MAML2: variants seen among roughly 807,000 people sequenced by gnomAD.
The protein encoded by MAML2 is mastermind-like protein 2.
A neutral mutation model predicts 96.1 loss-of-function variants in MAML2; 22 were observed. The observed-to-expected ratio is 0.23, with a 90% CI of 0.16 to 0.33. MAML2 has a LOEUF of 0.33. MAML2 is among the 10% of genes least tolerant of loss of function. MAML2 has a pLI of 1.00. For synonymous variants in MAML2, 561 were observed against 521.3 expected, an observed-to-expected ratio of 1.08 and a Z score of -1.04; for missense variants, 1,367 against 1,392.4, an observed-to-expected ratio of 0.98 and a Z score of 0.29.
intron 1 of MAML2, among the ~76,000 whole-genome samples, chr11:96,191,244 T>C (rs1861648453): frequency 6.6e-6 from 1 of 151,810 alleles, no homozygotes; most frequent in Non-Finnish European, 1.5e-5. Flanking sequence ...AGCGGGTGGA[T>C]CACAAGGTCA....
intron 1 of MAML2, among the ~76,000 whole-genome samples, chr11:96,122,574 A>G (rs1360979256): frequency 1.3e-5 from 2 of 152,012 alleles, no homozygotes; most frequent in African/African-American, 4.8e-5. Context: ...TTCCCCATAG[A>G]AAATATAAGC....
At chr11:96,298,583 G>A (rs1399578973) in intron 1 of MAML2, among the ~76,000 whole-genome samples, 1 of 152,028 alleles carries the variant, frequency 6.6e-6, no homozygotes, top group Non-Finnish European at 1.5e-5. Context: ...AGATAACCAA[G>A]CAAACAAAGA....
intron 2 of MAML2, among the ~76,000 whole-genome samples, chr11:96,091,120 C>T (rs1859697518): frequency 6.6e-6 from 1 of 152,156 alleles, no homozygotes; most frequent in South Asian, 2.1e-4. Context: ...CGGAATAAAC[C>T]TCTGTTTTAT....
At chr11:96,231,675 A>G (rs776331965) in intron 1 of MAML2, among the ~76,000 whole-genome samples, 1 of 152,190 alleles carries the variant, frequency 6.6e-6, no homozygotes, top group Non-Finnish European at 1.5e-5. Flanking sequence ...AGAGTTGGTC[A>G]CTCATGGGAA....
intron 1 of MAML2, among the ~76,000 whole-genome samples, chr11:96,097,459 C>A (rs890135669): frequency 1.6e-4 from 25 of 151,950 alleles, no homozygotes; most frequent in African/African-American, 5.6e-4. Flanking sequence ...TAGTAATATC[C>A]TGAGGGGCTG....
intron 2 of MAML2, among the ~76,000 whole-genome samples, chr11:96,015,233 A>C (rs1398377730): frequency 1.3e-5 from 2 of 152,196 alleles, no homozygotes; most frequent in Non-Finnish European, 2.9e-5. Context: ...TCATATGGAA[A>C]CATGAAGCAA....
At chr11:96,115,041 C>T (rs1860210634) in intron 1 of MAML2, among the ~76,000 whole-genome samples, 1 of 152,116 alleles carries the variant, frequency 6.6e-6, no homozygotes, top group Non-Finnish European at 1.5e-5. Context: ...CACGGAAGTT[C>T]ATGGGCTGGC....
intron 1 of MAML2, among the ~76,000 whole-genome samples, chr11:96,272,178 A>G (rs1024255729): frequency 2.0e-5 from 3 of 150,818 alleles, no homozygotes. Context: ...TATGCATTGT[A>G]CTTGTGTTGT....
intron 2 of MAML2, among the ~76,000 whole-genome samples, chr11:96,084,568 G>A (rs1268790499): frequency 1.3e-5 from 2 of 152,106 alleles, no homozygotes; most frequent in African/African-American, 2.4e-5. Context: ...TAACTCCAGC[G>A]GCTACATGTC....
At chr11:96,033,949 G>A (rs1341618721) in intron 2 of MAML2, among the ~76,000 whole-genome samples, 1 of 152,114 alleles carries the variant, frequency 6.6e-6, no homozygotes, top group African/African-American at 2.4e-5. Context: ...TCATTTGTTA[G>A]GCATGAAAAT....
chr11:96,052,077 G>GTA (rs1278414064), intron 2 of MAML2, among the ~76,000 whole-genome samples: 1 of 152,156 alleles, frequency 6.6e-6, no homozygotes, highest in African/African-American at 2.4e-5. Context: ...CTTTCTTCCT[G>GTA]TATTGCTTGC....
At chr11:96,014,580 T>C (rs754333059) in intron 2 of MAML2, among the ~76,000 whole-genome samples, 4 of 152,212 alleles carry the variant, frequency 2.6e-5, no homozygotes, top group Non-Finnish European at 5.9e-5. Context: ...TTATTTTGAC[T>C]CAATTCAACT....
At chr11:95,988,113 ATGTGTGTGTG>A (rs141507951) in intron 3 of MAML2, among the ~76,000 whole-genome samples, 16 of 145,472 alleles carry the variant, frequency 1.1e-4, no homozygotes, top group East Asian at 2.0e-4. Context: ...TGAAGACAGG[ATGTGTGTGTG>A]TGTGTGTGTG....
chr11:96,311,043 A>G (rs974446137), intron 1 of MAML2, among the ~76,000 whole-genome samples: 9 of 152,338 alleles, frequency 5.9e-5, no homozygotes, highest in Non-Finnish European at 1.0e-4. Flanking sequence ...TAACTCTCAC[A>G]ATAGCTCTTT....
At chr11:96,188,079 C>G (rs1462981042) in intron 1 of MAML2, among the ~76,000 whole-genome samples, 3 of 152,214 alleles carry the variant, frequency 2.0e-5, no homozygotes, top group Admixed American at 6.5e-5. Flanking sequence ...CTACAGCACC[C>G]TGCTATTTAA....
chr11:96,112,138 G>C (rs758913608), intron 1 of MAML2, among the ~76,000 whole-genome samples: 8 of 152,216 alleles, frequency 5.3e-5, no homozygotes, highest in Non-Finnish European at 1.2e-4. Flanking sequence ...AATGGAAACA[G>C]AAGCATCAGT....
At chr11:96,007,188 A>G (rs997697762) in intron 2 of MAML2, among the ~76,000 whole-genome samples, 2 of 124,394 alleles carry the variant, frequency 1.6e-5, no homozygotes, top group East Asian at 2.3e-4. Context: ...TTTTTTTTGT[A>G]TTTTAGTAGA....
chr11:96,281,597 T>C (rs1170321185), intron 1 of MAML2, among the ~76,000 whole-genome samples: 5 of 152,134 alleles, frequency 3.3e-5, no homozygotes, highest in African/African-American at 1.2e-4. Flanking sequence ...AATATTAAAA[T>C]ATGCCTTTGA....
intron 1 of MAML2, among the ~76,000 whole-genome samples, chr11:96,335,240 T>C (rs1283278568): frequency 1.3e-5 from 2 of 152,208 alleles, no homozygotes; most frequent in Non-Finnish European, 1.5e-5. Context: ...TCAAAGACCA[T>C]CTAAAATAAT....
Sources: allele counts gnomAD v4.1 joint callset (sites outside exome capture counted in the v4.1 genomes callset), GRCh38; gene constraint gnomAD v4.1.1; transcripts MANE v1.5; gene names NCBI Gene and HGNC (gene_info 2026-07-23, HGNC 2026-07-21).